Variants in TCF12 observed in about 807,000 individuals in gnomAD.
TCF12 encodes the protein transcription factor 12, also known as DNA-binding protein HTF4.
Under a neutral mutation model 86.0 loss-of-function variants are expected in TCF12, and 45 were observed. That is an observed-to-expected ratio of 0.52 (90% CI 0.41 to 0.67). The LOEUF is 0.67. Among genes scored for constraint, TCF12 ranks in the 30% least tolerant of loss-of-function variants. The pLI, the probability that TCF12 is intolerant of heterozygous loss-of-function variation, is 0.00. For missense variants in TCF12, 881 were observed against 859.9 expected (o/e 1.02, Z -0.31); for synonymous variants, 330 against 299.6 (o/e 1.10, Z -1.05).
At chr15:57,007,748 AT>A (rs1176091595) in intron 3 of TCF12, among the ~76,000 whole-genome samples, 1 of 136,868 alleles carries the variant, frequency 7.3e-6, no homozygotes, top group Non-Finnish European at 1.6e-5. Flanking sequence ...TGTAACAAAT[AT>A]TTTTCCTTCT....
In TCF12 at chr15:56,973,270, G is replaced by A. The variant is rs182986833; in HGVS notation, c.148+52172G>A. Among the ~76,000 whole-genome samples the A allele has an allele frequency of 4.0e-3, 604 of 152,180 alleles. 4 individuals carry two copies. Among genetic ancestry groups the A allele is most frequent in the Non-Finnish European group, 5.7e-3 (390 of 67,954 alleles). ...TGTGTATGTATGAGTATGTATGCAT[G>A]TGTATACATTAATTTATTTCCAAGC... On this transcript the variant is annotated intron_variant, in intron 3 of 20. Transcript: ENST00000333725.
rs113151204 is a variant in TCF12, at chr15:57,166,984, C to T, written c.390+518C>T. Among the ~76,000 whole-genome samples, 271 of 152,236 alleles carry T rather than the reference C, an allele frequency of 1.8e-3. 1 individual carries two copies. The highest frequency in any genetic ancestry group is 6.1e-3 in the African/African-American group (253 of 41,532). ...AATGGGCATCTTTTCTGCCTTTTTC[C>T]TCATATCTTTAGACTGAGAATCCTG... On this transcript the variant is annotated intron_variant, in intron 6 of 20. Transcript: ENST00000333725.
intron 3 of TCF12, among the ~76,000 whole-genome samples, chr15:56,991,555 CTT>C (rs1277336103): frequency 4.6e-5 from 7 of 152,168 alleles, no homozygotes; most frequent in Non-Finnish European, 8.8e-5. Context: ...GAAATATGAT[CTT>C]ATCAATATGC....
At chr15:56,944,702 A>C (rs1441970548) in intron 3 of TCF12, among the ~76,000 whole-genome samples, 1 of 152,218 alleles carries the variant, frequency 6.6e-6, no homozygotes, top group Middle Eastern at 3.4e-3. Flanking sequence ...CCTTCTTACC[A>C]TGGGGACAGT....
At chr15:57,058,495 T>G (rs1226859909) in intron 3 of TCF12, among the ~76,000 whole-genome samples, 1 of 152,214 alleles carries the variant, frequency 6.6e-6, no homozygotes, top group Non-Finnish European at 1.5e-5. Flanking sequence ...GTTTCAACAG[T>G]GCCAAACAAA....
chr15:57,149,156 A>G (rs1190756069), intron 5 of TCF12, among the ~76,000 whole-genome samples: 3 of 152,254 alleles, frequency 2.0e-5, no homozygotes, highest in Non-Finnish European at 2.9e-5. Flanking sequence ...CGTAGCTTGC[A>G]TAGTGAGAGA....
At chr15:57,232,067 C>A (rs1016405742) in intron 9 of TCF12, among the ~76,000 whole-genome samples, 3 of 152,062 alleles carry the variant, frequency 2.0e-5, no homozygotes, top group African/African-American at 7.2e-5. Context: ...TTTATAATGG[C>A]CTGCCTATTA....
At chr15:57,160,656 A>T (rs117744935) in intron 5 of TCF12, among the ~76,000 whole-genome samples, 15 of 151,960 alleles carry the variant, frequency 9.9e-5, no homozygotes, top group Non-Finnish European at 2.1e-4. Context: ...TTTGGCACCT[A>T]TTGAGGGTAG....
chr15:57,023,067 G>T (rs141792288), intron 3 of TCF12, among the ~76,000 whole-genome samples: 1 of 152,086 alleles, frequency 6.6e-6, no homozygotes, highest in Non-Finnish European at 1.5e-5. Flanking sequence ...GTCATAATTT[G>T]CTGTTCAGGA....
chr15:57,132,276 T>G (rs1053160320), intron 5 of TCF12, among the ~76,000 whole-genome samples: 3 of 152,240 alleles, frequency 2.0e-5, no homozygotes, highest in Non-Finnish European at 2.9e-5. Flanking sequence ...TTTTTTCTTT[T>G]AGACTGTAGA....
At chr15:57,019,433 A>G (rs2065341547) in intron 3 of TCF12, among the ~76,000 whole-genome samples, 1 of 152,190 alleles carries the variant, frequency 6.6e-6, no homozygotes, top group Non-Finnish European at 1.5e-5. Flanking sequence ...CTGGCCAAAC[A>G]GAAGGACAAG....
At chr15:56,967,879 G>A (rs2062081291) in intron 3 of TCF12, among the ~76,000 whole-genome samples, 1 of 152,010 alleles carries the variant, frequency 6.6e-6, no homozygotes, top group Admixed American at 6.6e-5. Context: ...TTTTAAGCGA[G>A]TTAAGTAGAG....
chr15:56,934,435 T>C (rs752300363), intron 3 of TCF12, among the ~76,000 whole-genome samples: 1 of 152,218 alleles, frequency 6.6e-6, no homozygotes, highest in Non-Finnish European at 1.5e-5. Flanking sequence ...AACTCTTGTC[T>C]GCTGTAAGCT....
intron 12 of TCF12, among the ~76,000 whole-genome samples, chr15:57,240,280 A>G (rs1408012807): frequency 6.6e-6 from 1 of 152,204 alleles, no homozygotes; most frequent in South Asian, 2.1e-4. Context: ...ATATTTTACC[A>G]TGGGAAAGGA....
At chr15:57,275,721 C>T (rs970103666) in intron 19 of TCF12, among the ~76,000 whole-genome samples, 8 of 152,100 alleles carry the variant, frequency 5.3e-5, no homozygotes, top group African/African-American at 1.9e-4. Flanking sequence ...CCTATTTGGG[C>T]ATCCTCTGCA....
At chr15:57,197,554 T>C (rs1244328735) in intron 7 of TCF12, among the ~76,000 whole-genome samples, 2 of 152,186 alleles carry the variant, frequency 1.3e-5, no homozygotes, top group Non-Finnish European at 2.9e-5. Context: ...CCCAAATTTA[T>C]GGGATATGTA....
At chr15:57,101,506 G>A (rs2151173778) in intron 5 of TCF12, among the ~76,000 whole-genome samples, 1 of 152,296 alleles carries the variant, frequency 6.6e-6, no homozygotes, top group South Asian at 2.1e-4. Flanking sequence ...CACCATGCCT[G>A]GCCCCTGATT....
At chr15:57,025,746 C>G (rs1259658324) in intron 3 of TCF12, among the ~76,000 whole-genome samples, 1 of 152,108 alleles carries the variant, frequency 6.6e-6, no homozygotes. Flanking sequence ...AATAAAAGTT[C>G]TTACGTAAGA....
At chr15:57,058,718 A>G (rs748055429) in intron 3 of TCF12, among the ~76,000 whole-genome samples, 1 of 152,190 alleles carries the variant, frequency 6.6e-6, no homozygotes, top group East Asian at 1.9e-4. Context: ...TTCCCTTGCA[A>G]TTTTAATATT....
Sources: gnomAD v4.1 joint callset for allele counts (sites outside exome capture counted in the v4.1 genomes callset) on GRCh38, gnomAD v4.1.1 for gene constraint, MANE v1.5 for transcripts, NCBI Gene and HGNC (gene_info 2026-07-23, HGNC 2026-07-21) for gene names.